Variants in ATE1 observed in about 807,000 individuals in gnomAD.
ATE1 encodes the protein arginyltransferase 1.
ATE1 carries 36 observed loss-of-function variants against 70.5 expected under a neutral mutation model. That is an observed-to-expected ratio of 0.51 (90% CI 0.39 to 0.67). ATE1 has a LOEUF of 0.67. ATE1 is among the 30% of genes least tolerant of loss of function. The pLI is 0.00. For missense variants in ATE1, 593 were observed against 629.5 expected, an observed-to-expected ratio of 0.94 and a Z score of 0.62; for synonymous variants, 232 against 219.3, an observed-to-expected ratio of 1.06 and a Z score of -0.51.
chr10:121,910,739 G>C (rs1951388353), intron 5 of ATE1, among the ~76,000 whole-genome samples, 167 bp downstream of exon 5: 1 of 152,176 alleles, frequency 6.6e-6, no homozygotes, highest in Admixed American at 6.6e-5. Flanking sequence ...TTTGTAAAAG[G>C]CATGATTTGT....
At chr10:121,912,742 T>C (rs1481665534) in intron 4 of ATE1, among the ~76,000 whole-genome samples, 2 of 151,210 alleles carry the variant, frequency 1.3e-5, no homozygotes, top group African/African-American at 4.9e-5. Context: ...CAGAACCTAA[T>C]TCCTTTTTTT....
intron 2 of ATE1, among the ~76,000 whole-genome samples, chr10:121,923,419 G>A (rs1951959245): frequency 1.3e-5 from 2 of 152,122 alleles, no homozygotes; most frequent in Non-Finnish European, 2.9e-5. Context: ...GAGCTATGAT[G>A]ATGGCACTGT....
At chr10:121,850,876 G>A (rs1949025677) in intron 8 of ATE1, among the ~76,000 whole-genome samples, 1 of 151,548 alleles carries the variant, frequency 6.6e-6, no homozygotes, top group African/African-American at 2.4e-5. Context: ...TGGATCACGA[G>A]GTCAGGAGAT....
chr10:121,913,086 AACC>A (rs747063773), intron 4 of ATE1, among the ~76,000 whole-genome samples: 9 of 152,096 alleles, frequency 5.9e-5, no homozygotes, highest in Non-Finnish European at 1.3e-4. Flanking sequence ...TCACCATGTT[AACC>A]AGAATGGTCT....
chr10:121,766,230 TTAAC>T (rs755545202), intron 11 of ATE1, among the ~76,000 whole-genome samples: 6 of 152,160 alleles, frequency 3.9e-5, no homozygotes, highest in Admixed American at 6.5e-5. Flanking sequence ...CTCTCAAAGA[TTAAC>T]TATCTGCGAC....
At chr10:121,894,598 A>G (rs562386863) in intron 7 of ATE1, among the ~76,000 whole-genome samples, 3 of 152,144 alleles carry the variant, frequency 2.0e-5, no homozygotes, top group Non-Finnish European at 2.9e-5. Context: ...AGACAATCCA[A>G]TTAAAAAATG....
Position 121,835,555 on chromosome 10 carries a change from T to G in ATE1, c.1257+1163A>C, listed in dbSNP as rs541719834. Among the ~76,000 whole-genome samples, 11 of 152,066 alleles carry G rather than the reference T, an allele frequency of 7.2e-5. No homozygotes were observed. The South Asian group carries it at 2.3e-3, about 32-fold the overall frequency. On this transcript the variant is annotated intron_variant, in intron 10 of 11. Transcript: ENST00000224652. The stretch of plus-strand genomic sequence containing the variant: ...ACATCGCAAATATAATGTATGAACC[T>G]TACTGAGTCCTAAGTCAAACAAATT...
At chr10:121,768,264 A>G (rs964952495) in intron 11 of ATE1, among the ~76,000 whole-genome samples, 1 of 152,208 alleles carries the variant, frequency 6.6e-6, no homozygotes, top group Non-Finnish European at 1.5e-5. Context: ...TTGTAGATGC[A>G]AAACAGTGTG....
At chr10:121,890,853 A>G (rs975148644) in intron 7 of ATE1, among the ~76,000 whole-genome samples, 2 of 152,192 alleles carry the variant, frequency 1.3e-5, no homozygotes, top group Non-Finnish European at 2.9e-5. Flanking sequence ...TCCAATTTAT[A>G]TCACATTACT....
chr10:121,874,790 G>A (rs1299479929), intron 7 of ATE1, among the ~76,000 whole-genome samples: 1 of 152,096 alleles, frequency 6.6e-6, no homozygotes, highest in African/African-American at 2.4e-5. Flanking sequence ...TGGATCACGA[G>A]GTCAAGAGAT....
intron 7 of ATE1, among the ~76,000 whole-genome samples, chr10:121,893,141 G>A (rs1290237179): frequency 6.6e-6 from 1 of 151,982 alleles, no homozygotes; most frequent in Non-Finnish European, 1.5e-5. Flanking sequence ...GCCAGAAGTG[G>A]TGGCACACAC....
In ATE1 at chr10:121,743,527, T is replaced by C; in HGVS notation, c.*153A>G. Reference sequence around the variant, plus strand: ...TAACTATGAGATTCTCACAGATACATTGCCACAAAATATTTTTTAAAAGCC... The same window carrying C: ...TAACTATGAGATTCTCACAGATACACTGCCACAAAATATTTTTTAAAAGCC... On this transcript the variant is annotated 3_prime_UTR_variant, in exon 12 of 12. Transcript: ENST00000224652. 3.0e-6 allele frequency: 4 copies of C among 1,323,372 alleles called. No homozygotes were observed. Among genetic ancestry groups the C allele is most frequent in the Middle Eastern group, 2.8e-4 (1 of 3,532 alleles). 82.0% of individuals were successfully genotyped at this position (1,323,372 alleles called of 1,614,324 possible).
At chr10:121,817,962 T>A (rs1192241227) in intron 10 of ATE1, among the ~76,000 whole-genome samples, 1 of 152,206 alleles carries the variant, frequency 6.6e-6, no homozygotes, top group Non-Finnish European at 1.5e-5. Context: ...AATTTCCCTT[T>A]AAAAATAATT....
At chr10:121,910,440 A>G (rs1951375880) in intron 5 of ATE1, among the ~76,000 whole-genome samples, 1 of 152,224 alleles carries the variant, frequency 6.6e-6, no homozygotes, top group African/African-American at 2.4e-5. Flanking sequence ...TTAAAGGCAA[A>G]GTTAAACATC....
rs1944159955 is a variant in ATE1, at chr10:121,741,922, T to C, written c.*1758A>G. On this transcript the variant is annotated 3_prime_UTR_variant, in exon 12 of 12. Transcript: ENST00000224652. ...ACTTTTTATTTATACTTCTTAATGT[T>C]CTAACTGCTTACAGTGTCACTTTTG... 1 of 152,236 alleles carries C rather than the reference T, an allele frequency of 6.6e-6. No individual in the cohort carries two copies. The highest frequency in any genetic ancestry group is 2.1e-4 in the South Asian group (1 of 4,830). 9.4% of individuals were successfully genotyped at this position (152,236 alleles called of 1,614,324 possible).
intron 10 of ATE1, among the ~76,000 whole-genome samples, chr10:121,791,828 A>G (rs944270938): frequency 7.2e-5 from 11 of 152,222 alleles, no homozygotes; most frequent in Admixed American, 2.0e-4. Context: ...TGCTTTTACA[A>G]GCAACAAATG....
At position 121,741,963 on chromosome 10, in the gene ATE1, G is replaced by A. The variant is rs1362193389; in HGVS notation, c.*1717C>T. ...GTCACTTTTGTTATAATCATAAAAT[G>A]AAGCTCTTTTCATTTTAGAGGAAAA... On this transcript the variant is annotated 3_prime_UTR_variant, in exon 12 of 12. Coordinates refer to ENST00000224652, the MANE Select transcript of ATE1 (RefSeq NM_001001976.3). The A allele has an allele frequency of 2.0e-5, 3 of 152,136 alleles. No individual in the cohort carries two copies. The highest frequency in any genetic ancestry group is 4.4e-5 in the Non-Finnish European group (3 of 68,020). 9.4% of individuals were successfully genotyped at this position (152,136 alleles called of 1,614,324 possible). A position where few individuals can be genotyped will look rare whatever the true frequency, so the allele number is the denominator to read the frequency against.
At chr10:121,836,201 T>C (rs952408746) in intron 10 of ATE1, among the ~76,000 whole-genome samples, 1 of 152,134 alleles carries the variant, frequency 6.6e-6, no homozygotes. Context: ...AAAAAACCCA[T>C]GTCCTCCTAG....
chr10:121,914,600 G>A (rs1466193682), intron 3 of ATE1, among the ~76,000 whole-genome samples: 3 of 152,022 alleles, frequency 2.0e-5, no homozygotes, highest in Non-Finnish European at 2.9e-5. Flanking sequence ...GTGAAAGTTA[G>A]GTCTAAAAAT....
Sources: allele counts gnomAD v4.1 joint callset (sites outside exome capture counted in the v4.1 genomes callset), GRCh38; gene constraint gnomAD v4.1.1; transcripts MANE v1.5; gene names NCBI Gene and HGNC (gene_info 2026-07-23, HGNC 2026-07-21).